LRRC4C: variants seen among roughly 807,000 people sequenced by gnomAD.
LRRC4C encodes leucine-rich repeat-containing protein 4C.
A neutral mutation model predicts 33.6 loss-of-function variants in LRRC4C; 5 were observed. The observed-to-expected ratio is 0.15, with a 90% CI of 0.08 to 0.31. The LOEUF (loss-of-function observed/expected upper bound fraction) is 0.31, where lower values mean the gene tolerates loss of function less well. Among genes scored for constraint, LRRC4C ranks in the 10% least tolerant of loss-of-function variants. The probability of loss-of-function intolerance (pLI) is 1.00; values close to 1 mark genes in which losing one functional copy is unlikely to be tolerated. For synonymous variants in LRRC4C, 329 were observed against 302.0 expected (o/e 1.09, Z -0.93); for missense variants, 560 against 796.7 (o/e 0.70, Z 3.58).
intron 5 of LRRC4C, among the ~76,000 whole-genome samples, chr11:40,206,973 C>CAA (rs1863205842): frequency 6.6e-6 from 1 of 152,082 alleles, no homozygotes; most frequent in South Asian, 2.1e-4. Flanking sequence ...AACAAACAAA[C>CAA]AAACAAACAC....
At chr11:40,478,832 A>T (rs1485032252) in intron 3 of LRRC4C, among the ~76,000 whole-genome samples, 2 of 152,156 alleles carry the variant, frequency 1.3e-5, no homozygotes, top group Admixed American at 1.3e-4. Context: ...TCAAGAGTGG[A>T]AGTGACAGTA....
At chr11:40,927,100 G>T (rs1374243714) in intron 2 of LRRC4C, among the ~76,000 whole-genome samples, 2 of 152,152 alleles carry the variant, frequency 1.3e-5, no homozygotes, top group African/African-American at 2.4e-5. Context: ...TATCAGTCAG[G>T]CACGGTGGCT....
At chr11:40,240,868 T>C (rs1051465136) in intron 5 of LRRC4C, among the ~76,000 whole-genome samples, 5 of 152,118 alleles carry the variant, frequency 3.3e-5, no homozygotes, top group African/African-American at 1.2e-4. Context: ...TTTTAGAATG[T>C]AATATAGGAA....
At chr11:40,442,880 G>A (rs1366374634) in intron 3 of LRRC4C, among the ~76,000 whole-genome samples, 1 of 152,128 alleles carries the variant, frequency 6.6e-6, no homozygotes, top group East Asian at 1.9e-4. Flanking sequence ...AGCAAAAATT[G>A]CCTGTACTTT....
intron 3 of LRRC4C, among the ~76,000 whole-genome samples, chr11:40,635,850 A>G (rs1255283891): frequency 6.6e-6 from 1 of 151,774 alleles, no homozygotes; most frequent in Non-Finnish European, 1.5e-5. Flanking sequence ...TGTGTTAGCC[A>G]GGAAGGTCTC....
chr11:40,406,019 AT>A (rs1338545180), intron 3 of LRRC4C, among the ~76,000 whole-genome samples: 3 of 152,062 alleles, frequency 2.0e-5, no homozygotes, highest in African/African-American at 7.2e-5. Context: ...GGATCTCTTT[AT>A]AAAAGTATCT....
intron 1 of LRRC4C, among the ~76,000 whole-genome samples, chr11:41,110,627 A>C (rs1221678024): frequency 1.3e-5 from 2 of 152,068 alleles, no homozygotes; most frequent in Admixed American, 1.3e-4. Context: ...TATTGTGCTG[A>C]AAACTTTTTA....
chr11:41,245,800 G>A (rs945190748), intron 1 of LRRC4C, among the ~76,000 whole-genome samples: 6 of 152,210 alleles, frequency 3.9e-5, no homozygotes, highest in Non-Finnish European at 8.8e-5. Flanking sequence ...TGGAGGGTGA[G>A]CAAGGTGAAG....
At position 40,116,072 on chromosome 11, in the gene LRRC4C, A is replaced by G. The variant is rs1855406607; in HGVS notation, c.221T>C (p.Ile74Thr). The change falls in exon 7 of 7, where the codon ATC becomes ACC. Residue 74 changes from isoleucine to threonine, a missense_variant. Ile to Thr is a moderately conservative substitution (Grantham distance 89, BLOSUM62 -1). Transcript: ENST00000528697. ...RKNLREVPDG[I>T]STNTRLLNLH... ...GTTCAGCAGCCGTGTGTTGGTGGAG[A>G]TGCCATCCGGAACCTCACGCAGGTT... is the stretch of plus-strand genomic sequence containing the variant. 1 of 1,613,814 alleles carries G rather than the reference A, an allele frequency of 6.2e-7. No individual in the cohort carries two copies.
At chr11:40,263,024 C>T (rs1267207043) in intron 4 of LRRC4C, among the ~76,000 whole-genome samples, 1 of 151,674 alleles carries the variant, frequency 6.6e-6, no homozygotes. Context: ...GCTTACATCT[C>T]CTGCATATAC....
Position 40,953,084 on chromosome 11 carries a change from C to T in LRRC4C, c.-495-19361G>A, listed in dbSNP as rs189096136. On this transcript the variant is annotated intron_variant, in intron 1 of 6. Transcript: ENST00000528697. ...AAGAGGTCCTCAGAAAACAAGTTTG[C>T]TCTAAAATGTTTCTTCCTTAACGTC... 5.9e-5 allele frequency among the ~76,000 whole-genome samples: 9 copies of T among 151,932 alleles called. No homozygotes were observed. In the East Asian group the frequency reaches 1.8e-3, roughly 30 times the overall value.
intron 1 of LRRC4C, among the ~76,000 whole-genome samples, chr11:40,945,023 CTTTTT>C (rs767515626): frequency 9.0e-6 from 1 of 111,120 alleles, no homozygotes; most frequent in African/African-American, 3.6e-5. Flanking sequence ...TGCAGTTTTT[CTTTTT>C]TTTTTTTTTT....
chr11:40,256,582 A>ATGAATGAACCAATAAT (rs1867222475), intron 4 of LRRC4C, among the ~76,000 whole-genome samples: 1 of 152,212 alleles, frequency 6.6e-6, no homozygotes. Flanking sequence ...GAACCAATAA[A>ATGAATGAACCAATAAT]TAAATGAACA....
chr11:40,616,582 T>A (rs976472582), intron 3 of LRRC4C, among the ~76,000 whole-genome samples: 3 of 151,518 alleles, frequency 2.0e-5, no homozygotes, highest in Non-Finnish European at 3.0e-5. Context: ...ATGCAGCCAT[T>A]AAAAATGATG....
At chr11:41,188,905 C>A (rs1417858297) in intron 1 of LRRC4C, among the ~76,000 whole-genome samples, 35 of 134,620 alleles carry the variant, frequency 2.6e-4, no homozygotes, top group Non-Finnish European at 5.0e-4. Flanking sequence ...GGACCTGCCC[C>A]CCCCCCCAAA....
At chr11:40,980,996 T>A (rs1033112886) in intron 1 of LRRC4C, among the ~76,000 whole-genome samples, 4 of 152,218 alleles carry the variant, frequency 2.6e-5, no homozygotes, top group African/African-American at 9.6e-5. Context: ...GAAATTACTA[T>A]TATTATCTTC....
intron 3 of LRRC4C, among the ~76,000 whole-genome samples, chr11:40,576,361 G>T (rs1958192666): frequency 6.6e-6 from 1 of 152,182 alleles, no homozygotes; most frequent in African/African-American, 2.4e-5. Context: ...TCTTATGACG[G>T]CAATGTATGC....
intron 1 of LRRC4C, among the ~76,000 whole-genome samples, chr11:40,955,022 C>A (rs541320138): frequency 6.6e-6 from 1 of 151,812 alleles, no homozygotes; most frequent in Non-Finnish European, 1.5e-5. Context: ...CAGCCCCCAC[C>A]TACACTAGAA....
intron 2 of LRRC4C, among the ~76,000 whole-genome samples, chr11:40,784,892 A>C (rs1950347476): frequency 6.6e-6 from 1 of 152,184 alleles, no homozygotes; most frequent in Non-Finnish European, 1.5e-5. Flanking sequence ...GGAAAAACAC[A>C]GAAAGAAAGA....
Sources: allele counts gnomAD v4.1 joint callset (sites outside exome capture counted in the v4.1 genomes callset), GRCh38; gene constraint gnomAD v4.1.1; transcripts MANE v1.5; gene names NCBI Gene and HGNC (gene_info 2026-07-23, HGNC 2026-07-21).